The following MYLK variants were observed in gnomAD, a reference collection of about 807,000 sequenced individuals.
MYLK encodes the protein myosin light chain kinase.
A neutral mutation model predicts 203.4 loss-of-function variants in MYLK; 106 were observed. The ratio of observed to expected loss-of-function variants is 0.52; its 90% CI spans 0.45 to 0.61. MYLK has a LOEUF of 0.61. Ranked by LOEUF, MYLK falls within the 20% of genes least tolerant of loss-of-function variation. The pLI is 0.00. For synonymous variants in MYLK, 867 were observed against 959.5 expected (o/e 0.90, Z 1.78); for missense variants, 2,072 against 2,442.3 (o/e 0.85, Z 3.20).
intron 5 of MYLK, among the ~76,000 whole-genome samples, chr3:123,746,021 C>T (rs2063004257): frequency 6.6e-6 from 1 of 151,902 alleles, no homozygotes; most frequent in Non-Finnish European, 1.5e-5. Flanking sequence ...CCACATATGG[C>T]TAATTTTTAT....
chr3:123,860,985 C>T (rs1228644192), intron 2 of MYLK, among the ~76,000 whole-genome samples: 5 of 151,996 alleles, frequency 3.3e-5, no homozygotes, highest in Non-Finnish European at 7.4e-5. Flanking sequence ...AAAAAATTAG[C>T]CGGGCATGGT....
intron 13 of MYLK, 102 bp downstream of exon 13, chr3:123,722,026 G>A (rs2062106996): frequency 1.4e-6 from 2 of 1,470,352 alleles, no homozygotes; most frequent in African/African-American, 1.4e-5. Context: ...TCTGCTCCCT[G>A]GATTTGAGCT....
Position 123,649,082 on chromosome 3 carries a change from G to A in MYLK, c.4322-18C>T. On this transcript the variant is annotated intron_variant, in intron 25 of 33. Coordinates refer to ENST00000360304, the MANE Select transcript of MYLK (RefSeq NM_053025.4). ...CTTCTCATCTGTGGGGCACAGGTCA[G>A]GGTTGGTGTGAGTCTCAGATGCCCC... 6.2e-7 allele frequency: 1 copy of A among 1,614,118 alleles called. No homozygotes were observed. Among genetic ancestry groups the A allele is most frequent in the Non-Finnish European group, 8.5e-7 (1 of 1,179,976 alleles).
intron 5 of MYLK, among the ~76,000 whole-genome samples, chr3:123,751,345 T>C (rs7621343): frequency 6.6e-6 from 1 of 152,148 alleles, no homozygotes; most frequent in African/African-American, 2.4e-5. Flanking sequence ...ATGGTCCAAT[T>C]TTTCTCCTAG....
intron 13 of MYLK, among the ~76,000 whole-genome samples, chr3:123,720,471 G>A (rs1163734526): frequency 6.6e-6 from 1 of 152,124 alleles, no homozygotes; most frequent in Non-Finnish European, 1.5e-5. Context: ...GACTCTTGCT[G>A]CCCCTTACTT....
In MYLK at chr3:123,640,029, T is replaced by C. The variant is rs979462842; in HGVS notation, c.4837+258A>G. Among the ~76,000 whole-genome samples, 1 of 152,094 alleles carries C rather than the reference T, an allele frequency of 6.6e-6. No homozygotes were observed. Among genetic ancestry groups the C allele is most frequent in the African/African-American group, 2.4e-5 (1 of 41,388 alleles). On this transcript the variant is annotated intron_variant, in intron 28 of 33. Transcript: ENST00000360304. This position sits in a 1 kb window ranked among gnomAD's most constrained non-coding sequence, Gnocchi z 4.3. ...TACTATGTGCAAAGCACTCTTCCCA[T>C]CCCTTTACCTATATTAACACATTTG...
intron 11 of MYLK, among the ~76,000 whole-genome samples, chr3:123,729,471 C>T (rs1000753197): frequency 6.6e-6 from 1 of 152,106 alleles, no homozygotes; most frequent in Admixed American, 6.5e-5. Flanking sequence ...GTAAATGATG[C>T]AATTAAAACA....
intron 24 of MYLK, among the ~76,000 whole-genome samples, chr3:123,656,681 G>A (rs1276085367): frequency 6.6e-6 from 1 of 152,036 alleles, no homozygotes; most frequent in African/African-American, 2.4e-5. Flanking sequence ...AGCTATAATA[G>A]GATGCATCCC....
chr3:123,676,150 A>G (rs1328516826), intron 20 of MYLK, among the ~76,000 whole-genome samples: 1 of 152,198 alleles, frequency 6.6e-6, no homozygotes, highest in Non-Finnish European at 1.5e-5. Context: ...TCACTGGCTT[A>G]TGGGAGACAC....
At chr3:123,690,408 A>G (rs184795042) in intron 19 of MYLK, among the ~76,000 whole-genome samples, 10 of 152,306 alleles carry the variant, frequency 6.6e-5, no homozygotes, top group African/African-American at 1.9e-4. Flanking sequence ...TTTTGCCTGT[A>G]ATTTCAGGGG....
intron 19 of MYLK, 43 bp from the exon 20 acceptor site, chr3:123,682,353 G>A (rs1439770640): frequency 1.4e-6 from 2 of 1,462,702 alleles, no homozygotes; most frequent in Admixed American, 1.9e-5. Context: ...AGCTGCTGAG[G>A]AAATGAGCAA....
intron 22 of MYLK, among the ~76,000 whole-genome samples, chr3:123,665,116 G>A (rs968943966): frequency 1.2e-4 from 19 of 152,274 alleles, no homozygotes; most frequent in Non-Finnish European, 1.2e-4. Flanking sequence ...GAATTTTATG[G>A]CATATGAATT....
chr3:123,733,124 G>A (rs749947759), intron 10 of MYLK, 22 bp from the exon 11 acceptor site: 49 of 1,609,814 alleles, frequency 3.0e-5, no homozygotes, highest in Non-Finnish European at 3.1e-5. Context: ...GGTAAAGAAC[G>A]TGAGCTCCCT....
chr3:123,787,758 T>G (rs1477810513), intron 4 of MYLK, among the ~76,000 whole-genome samples: 1 of 152,180 alleles, frequency 6.6e-6, no homozygotes, highest in East Asian at 1.9e-4. Flanking sequence ...TGATTAAGAT[T>G]GTAAGCCTAG....
chr3:123,791,487 T>G (rs1409583077), intron 4 of MYLK, among the ~76,000 whole-genome samples: 3 of 152,242 alleles, frequency 2.0e-5, no homozygotes, highest in Non-Finnish European at 4.4e-5. Flanking sequence ...CATGCTAGCT[T>G]CCAGGGCATT....
chr3:123,711,821 CCTT>C (rs2061705553), intron 13 of MYLK, among the ~76,000 whole-genome samples: 2 of 152,206 alleles, frequency 1.3e-5, no homozygotes, highest in African/African-American at 4.8e-5. Flanking sequence ...AAATACTAGA[CCTT>C]CTTCAGGAAG....
intron 20 of MYLK, among the ~76,000 whole-genome samples, chr3:123,678,348 G>A (rs570330001): frequency 3.3e-4 from 50 of 152,030 alleles, no homozygotes; most frequent in Non-Finnish European, 6.3e-4. Flanking sequence ...ACCTGACCCC[G>A]TTTTCCTCAT....
chr3:123,882,282 G>GCA (rs2033594443), intron 1 of MYLK, among the ~76,000 whole-genome samples: 1 of 152,098 alleles, frequency 6.6e-6, no homozygotes, highest in Non-Finnish European at 1.5e-5. Context: ...AGGTGTGGTG[G>GCA]CACACACCTG....
At chr3:123,721,016 A>G (rs1367935193) in intron 13 of MYLK, among the ~76,000 whole-genome samples, 1 of 152,156 alleles carries the variant, frequency 6.6e-6, no homozygotes, top group Admixed American at 6.5e-5. Context: ...AGTTACATTC[A>G]ATTCCCGAGA....
Sources: gnomAD v4.1 joint callset for allele counts (sites outside exome capture counted in the v4.1 genomes callset) on GRCh38, gnomAD v4.1.1 for gene constraint, Gnocchi (gnomAD v3.1) non-coding constraint, MANE v1.5 for transcripts, NCBI Gene and HGNC (gene_info 2026-07-23, HGNC 2026-07-21) for gene names.